PLIN1: variants seen among roughly 807,000 people sequenced by gnomAD.
PLIN1 encodes perilipin 1.
Under a neutral mutation model 45.8 loss-of-function variants are expected in PLIN1, and 37 were observed. That is an observed-to-expected ratio of 0.81 (90% CI 0.62 to 1.06). PLIN1 has a LOEUF of 1.06. Among genes scored for constraint, PLIN1 ranks in the 50% least tolerant of loss-of-function variants. The pLI is 0.00. For missense variants in PLIN1, 776 were observed against 716.5 expected, an observed-to-expected ratio of 1.08 and a Z score of -0.95; for synonymous variants, 340 against 309.2, an observed-to-expected ratio of 1.10 and a Z score of -1.05.
chr15:89,667,854 C>T, intron 6 of PLIN1, 61 bp from the exon 7 acceptor site: 1 of 1,537,290 alleles, frequency 6.5e-7, no homozygotes, highest in Non-Finnish European at 8.7e-7. Flanking sequence ...CAGGGAGCCC[C>T]AGCAGCCCAA....
chr15:89,666,818 C>T (rs796169156), intron 8 of PLIN1, 118 bp downstream of exon 8: 87 of 1,132,834 alleles, frequency 7.7e-5, no homozygotes, highest in Admixed American at 2.4e-4. Context: ...GAGTGGGGGG[C>T]GGTCTCCAGA....
rs549772030 is a variant in PLIN1 at position 89,671,365 on chromosome 15, G to A, written c.333+117C>T. 1,681 of 741,736 alleles carry A rather than the reference G, an allele frequency of 2.3e-3. 3 individuals are homozygous for A. The highest frequency in any genetic ancestry group is 3.2e-3 in the Non-Finnish European group (1,362 of 422,234). 45.9% of individuals were successfully genotyped at this position (741,736 alleles called of 1,614,324 possible). On this transcript the variant is annotated intron_variant, in intron 4 of 8. Transcript: ENST00000300055. ...CAGGCACTCTCCGCCAGCCTTGGAG[G>A]GTGCTCACCATGGGACACAGACTTC...
intron 2 of PLIN1, chr15:89,676,524 G>A (rs1265514606): frequency 6.6e-6 from 1 of 152,316 alleles, no homozygotes; most frequent in Non-Finnish European, 1.5e-5. Context: ...TGGGATTACA[G>A]GCGTGAGCCA....
chr15:89,666,875 C>T (rs759410221), intron 8 of PLIN1, 61 bp downstream of exon 8: 30 of 1,601,674 alleles, frequency 1.9e-5, no homozygotes, highest in Non-Finnish European at 2.6e-5. Context: ...GTCAAATCTA[C>T]TTTATCTGCC....
rs1400720661 is a variant in PLIN1, at chr15:89,664,390, A to G, written c.*1193T>C. 6.7e-6 allele frequency: 1 copy of G among 149,194 alleles called. No homozygotes were observed. Among genetic ancestry groups the G allele is most frequent in the East Asian group, 1.9e-4 (1 of 5,146 alleles). 9.2% of individuals were successfully genotyped at this position (149,194 alleles called of 1,614,324 possible). A position where few individuals can be genotyped will look rare whatever the true frequency, so the allele number is the denominator to read the frequency against. On this transcript the variant is annotated 3_prime_UTR_variant, in exon 9 of 9. Transcript: ENST00000300055. ...CATTTTTGATAAGGACATTTATTAT[A>G]GCATCGTTTGCAGTAGCAAAAAAGA... is the stretch of plus-strand genomic sequence containing the variant.
rs775375907 is a variant in PLIN1, at chr15:89,671,578, G to A, written c.251-14C>T. Reference sequence around the variant, plus strand: ...TGGCAGCTGTGACTGGAAGGAAAGGGCCAAGTTTGGGTGAGCCCTGCCCCT... The same window carrying A: ...TGGCAGCTGTGACTGGAAGGAAAGGACCAAGTTTGGGTGAGCCCTGCCCCT... On this transcript the variant is annotated splice_polypyrimidine_tract_variant and intron_variant, in intron 3 of 8. Transcript: ENST00000300055. 1 of 1,550,334 alleles carries A rather than the reference G, an allele frequency of 6.5e-7. No individual in the cohort carries two copies. The highest frequency in any genetic ancestry group is 8.7e-7 in the Non-Finnish European group (1 of 1,143,632).
chr15:89,666,376 C>A (rs1005037657), intron 8 of PLIN1, among the ~76,000 whole-genome samples: 4 of 152,232 alleles, frequency 2.6e-5, no homozygotes, highest in Admixed American at 1.3e-4. Context: ...CACCCCCTTA[C>A]CAGCTCTAAG....
intron 4 of PLIN1, among the ~76,000 whole-genome samples, 166 bp from the exon 5 acceptor site, chr15:89,670,410 G>GGA (rs1268126212): frequency 6.6e-6 from 1 of 152,224 alleles, no homozygotes; most frequent in African/African-American, 2.4e-5. Context: ...GGGCTTTAGA[G>GGA]GAGAGGGCTC....
Position 89,665,584 on chromosome 15 carries a change from C to G in PLIN1, c.1568G>C (p.Ter523SerextTer15), listed in dbSNP as rs1964319883. Reference protein sequence around the residue: ...THYSQLRKKS* With the variant: ...THYSQLRKKSS ...GGGCGCGGCGGCTGGTGCGGCGACT[C>G]AGCTCTTCTTGCGCAGCTGGCTGTA... is the stretch of plus-strand genomic sequence containing the variant. The change falls in exon 9 of 9, where the codon TGA (stop) becomes TCA (serine). Residue 523 changes from the stop codon to serine (S), a stop_lost. Coordinates refer to ENST00000300055, the MANE Select transcript of PLIN1 (RefSeq NM_002666.5). The G allele has an allele frequency of 6.5e-7, 1 of 1,528,184 alleles. No individual in the cohort carries two copies. The highest frequency in any genetic ancestry group is 1.4e-5 in the African/African-American group (1 of 71,846). The allele number at this position is 1,528,184 out of a possible 1,614,324, so 94.7% of individuals were successfully genotyped here. A position where few individuals can be genotyped will look rare whatever the true frequency, so the allele number is the denominator to read the frequency against.
At chr15:89,671,340 C>G in intron 4 of PLIN1, 142 bp downstream of exon 4, 1 of 661,058 alleles carries the variant, frequency 1.5e-6, no homozygotes, top group East Asian at 2.7e-5. Context: ...GCCTTGGGAG[C>G]AGGCACTCTC....
chr15:89,667,369 C>A (rs1964365291), intron 7 of PLIN1, among the ~76,000 whole-genome samples, 188 bp from the exon 8 acceptor site: 1 of 152,236 alleles, frequency 6.6e-6, no homozygotes, highest in Admixed American at 6.5e-5. Context: ...TCTTCTCCTG[C>A]AAAATGGGAC....
chr15:89,673,074 C>T, intron 3 of PLIN1, 136 bp downstream of exon 3: 1 of 708,518 alleles, frequency 1.4e-6, no homozygotes, highest in South Asian at 1.5e-5. Context: ...ATAAGAAGAC[C>T]ATGCAATGGG....
intron 1 of PLIN1, among the ~76,000 whole-genome samples, chr15:89,678,393 C>A (rs1234273286): frequency 1.3e-5 from 2 of 151,596 alleles, no homozygotes; most frequent in African/African-American, 4.8e-5. Flanking sequence ...AGCTGTAATC[C>A]CAGCTACTTG....
In PLIN1 at chr15:89,666,455, C is replaced by A. The variant is rs749297992; in HGVS notation, c.1209+481G>T. Among the ~76,000 whole-genome samples, 6 of 152,208 alleles carry A rather than the reference C, an allele frequency of 3.9e-5. No individual in the cohort carries two copies. In the South Asian group the frequency reaches 1.0e-3, roughly 26 times the overall value. ...ATCTGTAACCTGCTTTGGAAAGGGG[C>A]TCCCAAAGGGATGGCATTGGTATCC... On this transcript the variant is annotated intron_variant, in intron 8 of 8. Coordinates refer to ENST00000300055, the MANE Select transcript of PLIN1 (RefSeq NM_002666.5).
chr15:89,676,692 T>TGG (rs1964524672), intron 2 of PLIN1: 1 of 152,236 alleles, frequency 6.6e-6, no homozygotes, highest in African/African-American at 2.4e-5. Context: ...AAAGAGATCC[T>TGG]GGGAAGGGAA....
chr15:89,673,094 G>A, intron 3 of PLIN1, 116 bp downstream of exon 3: 1 of 787,194 alleles, frequency 1.3e-6, no homozygotes, highest in East Asian at 2.7e-5. Flanking sequence ...GATGTGGGCA[G>A]TTAAGCAGAC....
intron 2 of PLIN1, among the ~76,000 whole-genome samples, chr15:89,674,877 C>T (rs930249663): frequency 6.6e-6 from 1 of 151,980 alleles, no homozygotes; most frequent in Non-Finnish European, 1.5e-5. Context: ...ATATACTACC[C>T]TCGCTTGAGC....
chr15:89,676,734 T>G (rs1023959283), intron 2 of PLIN1: 3 of 152,466 alleles, frequency 2.0e-5, no homozygotes, highest in Admixed American at 6.5e-5. Flanking sequence ...GGCTTAACCA[T>G]GTACTTGACC....
chr15:89,667,190 C>A lies in PLIN1; in HGVS notation c.964-9G>T, dbSNP rs879055084. On this transcript the variant is annotated splice_polypyrimidine_tract_variant and intron_variant, in intron 7 of 8. Transcript: ENST00000300055. Reference sequence around the variant, plus strand: ...CCTGGCAGGGCTGCTACCTGGGGGCCAAAGCAGGGTCAGTGCCTCCTGTGG... The same window carrying A: ...CCTGGCAGGGCTGCTACCTGGGGGCAAAAGCAGGGTCAGTGCCTCCTGTGG... The A allele has an allele frequency of 1.2e-6, 2 of 1,612,684 alleles. No individual in the cohort carries two copies. The highest frequency in any genetic ancestry group is 2.2e-5 in the South Asian group (2 of 91,030).
Sources: allele counts gnomAD v4.1 joint callset (sites outside exome capture counted in the v4.1 genomes callset), GRCh38; gene constraint gnomAD v4.1.1; transcripts MANE v1.5; gene names NCBI Gene and HGNC (gene_info 2026-07-23, HGNC 2026-07-21).